Variants in PTPRD observed in about 807,000 individuals in gnomAD.
PTPRD encodes receptor-type tyrosine-protein phosphatase delta.
In PTPRD, 34 loss-of-function variants were observed where a neutral mutation model predicts 214.5. That is an observed-to-expected ratio of 0.16 (90% CI 0.12 to 0.21). PTPRD has a LOEUF of 0.21. Among genes scored for constraint, PTPRD ranks in the 10% least tolerant of loss-of-function variants. The pLI is 1.00. For missense variants in PTPRD, 2,545 were observed against 2,398.7 expected, an observed-to-expected ratio of 1.06 and a Z score of -1.27; for synonymous variants, 1,128 against 845.7, an observed-to-expected ratio of 1.33 and a Z score of -5.79.
intron 11 of PTPRD, among the ~76,000 whole-genome samples, chr9:9,008,852 A>G (rs1032625209): frequency 6.6e-6 from 1 of 152,154 alleles, no homozygotes; most frequent in Non-Finnish European, 1.5e-5. Context: ...CTCTTTAACC[A>G]TAATATTAAT....
intron 3 of PTPRD, among the ~76,000 whole-genome samples, chr9:10,126,946 C>CTTTTTTTTTTTTTTTT (rs34691762): frequency 6.9e-5 from 9 of 130,596 alleles, no homozygotes; most frequent in African/African-American, 2.8e-4. Flanking sequence ...CTCAAATGGA[C>CTTTTTTTTTTTTTTTT]TTTTTTTTTT....
intron 11 of PTPRD, among the ~76,000 whole-genome samples, chr9:8,922,325 A>T (rs1316923170): frequency 6.6e-6 from 1 of 152,196 alleles, no homozygotes. Context: ...GATATTACTT[A>T]CACAATCACT....
At chr9:9,985,376 G>A (rs532919033) in intron 4 of PTPRD, among the ~76,000 whole-genome samples, 22 of 151,960 alleles carry the variant, frequency 1.4e-4, no homozygotes, top group East Asian at 3.9e-4. Flanking sequence ...GTTTTTTTTA[G>A]ACCTCTCCAT....
At chr9:8,603,614 C>T (rs2095010608) in intron 14 of PTPRD, among the ~76,000 whole-genome samples, 1 of 151,942 alleles carries the variant, frequency 6.6e-6, no homozygotes, top group Non-Finnish European at 1.5e-5. Context: ...TAGAAGTCAC[C>T]CGAATTCAGC....
intron 8 of PTPRD, among the ~76,000 whole-genome samples, chr9:9,540,712 C>G (rs933478556): frequency 6.6e-6 from 1 of 151,718 alleles, no homozygotes; most frequent in African/African-American, 2.4e-5. Context: ...GATTTGGTGA[C>G]AGGAAGTTGA....
intron 8 of PTPRD, among the ~76,000 whole-genome samples, chr9:9,525,905 G>C (rs1398886299): frequency 6.6e-6 from 1 of 151,456 alleles, no homozygotes; most frequent in Non-Finnish European, 1.5e-5. Context: ...CATCACCTAA[G>C]TCAACATAAA....
intron 11 of PTPRD, among the ~76,000 whole-genome samples, chr9:8,739,593 C>G (rs368065199): frequency 1.3e-5 from 2 of 152,148 alleles, no homozygotes; most frequent in East Asian, 3.9e-4. Context: ...GAGGTGTAGA[C>G]TGAAACAATG....
chr9:10,167,055 C>T (rs1439645147), intron 3 of PTPRD, among the ~76,000 whole-genome samples: 1 of 151,676 alleles, frequency 6.6e-6, no homozygotes, highest in Non-Finnish European at 1.5e-5. Context: ...ATCAACATTC[C>T]TATAAACCTA....
intron 7 of PTPRD, among the ~76,000 whole-genome samples, chr9:9,708,568 T>C (rs1279622809): frequency 1.3e-5 from 2 of 152,060 alleles, no homozygotes; most frequent in Non-Finnish European, 2.9e-5. Context: ...TTTACTAACA[T>C]AACTCTCAGA....
chr9:9,448,029 C>T (rs59656779), intron 8 of PTPRD, among the ~76,000 whole-genome samples: 214 of 151,992 alleles, frequency 1.4e-3, no homozygotes, highest in African/African-American at 5.0e-3. Context: ...AGGAGTAGCA[C>T]GAACTGACTT....
intron 14 of PTPRD, among the ~76,000 whole-genome samples, chr9:8,580,403 T>C (rs115568446): frequency 0.011 from 1,633 of 152,336 alleles, 27 homozygotes; most frequent in African/African-American, 0.037. Context: ...ATTAAGTTTC[T>C]CTTGTAGAAT....
At chr9:8,426,947 T>A (rs543138184) in intron 35 of PTPRD, among the ~76,000 whole-genome samples, 1 of 152,170 alleles carries the variant, frequency 6.6e-6, no homozygotes, top group East Asian at 1.9e-4. Context: ...CGCATAGACA[T>A]ACGCCCTGTT....
At chr9:9,731,578 T>A (rs947689874) in intron 7 of PTPRD, among the ~76,000 whole-genome samples, 1 of 152,060 alleles carries the variant, frequency 6.6e-6, no homozygotes. Context: ...TCATTTACAT[T>A]AGGTATATCT....
intron 11 of PTPRD, among the ~76,000 whole-genome samples, chr9:8,815,763 A>C (rs79284787): frequency 0.015 from 2,299 of 152,292 alleles, 41 homozygotes; most frequent in African/African-American, 0.053. Context: ...AAAGTCATTA[A>C]GTCTGTTTTG....
At chr9:8,608,468 C>T (rs1178916734) in intron 14 of PTPRD, among the ~76,000 whole-genome samples, 1 of 152,116 alleles carries the variant, frequency 6.6e-6, no homozygotes, top group Non-Finnish European at 1.5e-5. Flanking sequence ...TCCCTGTTCA[C>T]CCAGCAGAGC....
chr9:10,210,515 A>C (rs1200396614), intron 3 of PTPRD, among the ~76,000 whole-genome samples: 1 of 151,854 alleles, frequency 6.6e-6, no homozygotes, highest in Non-Finnish European at 1.5e-5. Flanking sequence ...AAGAATGCCA[A>C]GGAGGGGGGG....
chr9:8,316,749 G>C lies in PTPRD; in HGVS notation c.*1125C>G, dbSNP rs1587177878. 6 of 222,776 alleles carry C rather than the reference G, an allele frequency of 2.7e-5. No individual in the cohort carries two copies. In the East Asian group the frequency reaches 3.7e-4, roughly 14 times the overall value. 13.8% of individuals were successfully genotyped at this position (222,776 alleles called of 1,614,324 possible). On this transcript the variant is annotated 3_prime_UTR_variant, in exon 46 of 46. Transcript: ENST00000381196. ...GGGGGTAGATTAGGTAGGAAATCAG[G>C]GGGTGAGGTTTGACAATCAATCACT...
chr9:10,069,966 T>G (rs1228997418), intron 3 of PTPRD, among the ~76,000 whole-genome samples: 2 of 152,006 alleles, frequency 1.3e-5, no homozygotes, highest in Non-Finnish European at 2.9e-5. Context: ...TCAAAATATG[T>G]GCCATGAACA....
chr9:8,942,699 C>A (rs1303905536), intron 11 of PTPRD, among the ~76,000 whole-genome samples: 1 of 152,018 alleles, frequency 6.6e-6, no homozygotes, highest in Non-Finnish European at 1.5e-5. Flanking sequence ...CATCAGAATG[C>A]AATGGGCTTG....
Sources: gnomAD v4.1 joint callset for allele counts (sites outside exome capture counted in the v4.1 genomes callset) on GRCh38, gnomAD v4.1.1 for gene constraint, MANE v1.5 for transcripts, NCBI Gene and HGNC (gene_info 2026-07-23, HGNC 2026-07-21) for gene names.